The following FAM107A variants were observed in gnomAD, a reference collection of about 807,000 sequenced individuals.
FAM107A encodes actin-associated protein FAM107A.
Under a neutral mutation model 13.7 loss-of-function variants are expected in FAM107A, and 19 were observed. The ratio of observed to expected loss-of-function variants is 1.38; its 90% CI spans 0.97 to 2.03. The LOEUF (loss-of-function observed/expected upper bound fraction) is 2.03, where lower values mean the gene tolerates loss of function less well. Among genes scored for constraint, FAM107A ranks in the 30% most tolerant of loss-of-function variants. The probability of loss-of-function intolerance (pLI) is 0.00; values close to 1 mark genes in which losing one functional copy is unlikely to be tolerated. For synonymous variants in FAM107A, 82 were observed against 74.5 expected (o/e 1.10, Z -0.52); for missense variants, 203 against 184.4 (o/e 1.10, Z -0.58).
chr3:58,567,380 G>A lies in FAM107A; in HGVS notation c.171-16C>T. 6.2e-7 allele frequency: 1 copy of A among 1,604,604 alleles called. No homozygotes were observed. The highest frequency in any genetic ancestry group is 8.5e-7 in the Non-Finnish European group (1 of 1,176,082). Reference sequence around the variant, plus strand: ...ACCAAGGCCCCTGGGGTGGGAAGTGGGGAGCTGTCAGGAGACCATCACCTT... The same window carrying A: ...ACCAAGGCCCCTGGGGTGGGAAGTGAGGAGCTGTCAGGAGACCATCACCTT... On this transcript the variant is annotated splice_polypyrimidine_tract_variant and intron_variant, in intron 2 of 3. Coordinates refer to ENST00000360997, the MANE Select transcript of FAM107A (RefSeq NM_001076778.3).
At chr3:58,568,198 G>A (rs1423418313) in intron 2 of FAM107A, among the ~76,000 whole-genome samples, 1 of 152,050 alleles carries the variant, frequency 6.6e-6, no homozygotes, top group South Asian at 2.1e-4. Context: ...ACTTTGGGAG[G>A]CCGAGGAGGG....
upstream of FAM107A, among the ~76,000 whole-genome samples, chr3:58,588,841 T>C (rs1365038354): frequency 6.6e-6 from 1 of 152,098 alleles, no homozygotes; most frequent in African/African-American, 2.4e-5. Flanking sequence ...GTATTTTTAG[T>C]AGAGAAGGGG....
intron 3 of FAM107A, chr3:58,566,898 C>T (rs1157956886): frequency 3.3e-6 from 2 of 608,660 alleles, no homozygotes; most frequent in Non-Finnish European, 5.8e-6. Context: ...CACTCACCCC[C>T]TCTGGGCCTC....
Position 58,618,271 on chromosome 3 carries a change from C to A in FAM107A, c.-70+9145G>T, listed in dbSNP as rs1388193599. 2.0e-5 allele frequency among the ~76,000 whole-genome samples: 3 copies of A among 152,138 alleles called. No individual in the cohort carries two copies. In the South Asian group the frequency reaches 6.2e-4, roughly 31 times the overall value. ...TTTGCACAGTGTTATCTTGTCTGAG[C>A]CCTTCATGGCTGTGAAATGGGGAAA... is the stretch of plus-strand genomic sequence containing the variant. On this transcript the variant is annotated intron_variant, in intron 1 of 3. Transcript: ENST00000465970.
At chr3:58,605,398 C>T (rs981945251) in intron 1 of FAM107A, among the ~76,000 whole-genome samples, 12 of 152,312 alleles carry the variant, frequency 7.9e-5, no homozygotes, top group Middle Eastern at 3.4e-3. Flanking sequence ...GCTCCCTCCT[C>T]TCCAGTGCCC....
chr3:58,591,222 G>A (rs1241075802), upstream of FAM107A, among the ~76,000 whole-genome samples: 1 of 152,202 alleles, frequency 6.6e-6, no homozygotes, highest in African/African-American at 2.4e-5. The surrounding 1 kb of genome is among the most constrained non-coding windows in gnomAD (Gnocchi z 4.3). Flanking sequence ...AGAAGGGAAA[G>A]GGGGTGGCTG....
At chr3:58,588,910 A>G (rs1279783734), upstream of FAM107A, among the ~76,000 whole-genome samples, 2 of 152,146 alleles carry the variant, frequency 1.3e-5, no homozygotes, top group Non-Finnish European at 2.9e-5. Flanking sequence ...TCAGCCTCTC[A>G]AAGTGCTGGG....
rs375792611 is a variant in FAM107A at position 58,571,272 on chromosome 3, G to A, written c.-5-1407C>T. 5.3e-5 allele frequency among the ~76,000 whole-genome samples: 8 copies of A among 152,324 alleles called. No homozygotes were observed. In the East Asian group the frequency reaches 1.3e-3, roughly 26 times the overall value. On this transcript the variant is annotated intron_variant, in intron 1 of 3. Transcript: ENST00000360997. ...GATGACCCATCACAGGCTGCTGTTA[G>A]GAGGAGCAAGTAAGACCACATACGT...
chr3:58,618,938 A>G (rs2065928515), intron 1 of FAM107A, among the ~76,000 whole-genome samples: 1 of 152,202 alleles, frequency 6.6e-6, no homozygotes, highest in Non-Finnish European at 1.5e-5. Flanking sequence ...TAGTGAGCAA[A>G]AGAAAGAAGA....
chr3:58,621,244 G>A (rs940843963), intron 1 of FAM107A, among the ~76,000 whole-genome samples: 2 of 152,094 alleles, frequency 1.3e-5, no homozygotes, highest in African/African-American at 4.8e-5. Context: ...ACGTGTTTGC[G>A]CCTGACCAGA....
Position 58,567,283 on chromosome 3 carries a change from C to T in FAM107A, c.252G>A (p.Lys84=). 1 of 1,612,222 alleles carries T rather than the reference C, an allele frequency of 6.2e-7. No individual in the cohort carries two copies. The highest frequency in any genetic ancestry group is 1.3e-5 in the African/African-American group (1 of 74,954). Residue 84 remains lysine, a synonymous_variant, in exon 3 of 4, where the codon AAG becomes AAA. Coordinates refer to ENST00000360997, the MANE Select transcript of FAM107A (RefSeq NM_001076778.3). ...GCAGCCGCTTGGCTTCCAGCTCCTCCTTCTTCTTCTTGATGAGCTGGTTCC... is the reference window on the plus strand; with the variant it reads ...GCAGCCGCTTGGCTTCCAGCTCCTCTTTCTTCTTCTTGATGAGCTGGTTCC... ...RRRNQLIKKK[K]EELEAKRLQC...
chr3:58,611,162 G>A (rs186635379), intron 1 of FAM107A, among the ~76,000 whole-genome samples: 1 of 152,312 alleles, frequency 6.6e-6, no homozygotes, highest in East Asian at 1.9e-4. Context: ...CAGCCATATG[G>A]AACTGTGAGT....
At chr3:58,570,438 A>T (rs2063669889) in intron 1 of FAM107A, 9 of 928,004 alleles carry the variant, frequency 9.7e-6, no homozygotes, top group Non-Finnish European at 1.2e-5. Context: ...TAGCAAAGGG[A>T]TAGTTGTCAA....
intron 1 of FAM107A, among the ~76,000 whole-genome samples, chr3:58,593,482 T>C (rs1453069072): frequency 6.6e-6 from 1 of 152,186 alleles, no homozygotes. Flanking sequence ...TGATATCTCC[T>C]GGTTTTACCT....
chr3:58,619,330 G>GT (rs2065931908), intron 1 of FAM107A, among the ~76,000 whole-genome samples: 3 of 152,114 alleles, frequency 2.0e-5, no homozygotes, highest in African/African-American at 7.2e-5. Context: ...GAGAGGAGAG[G>GT]ATGGCATGGC....
In FAM107A at chr3:58,566,334, A is replaced by G; in HGVS notation, c.*254T>C. 1 of 476,740 alleles carries G rather than the reference A, an allele frequency of 2.1e-6. No homozygotes were observed. The highest frequency in any genetic ancestry group is 3.7e-6 in the Non-Finnish European group (1 of 270,356). 29.5% of individuals were successfully genotyped at this position (476,740 alleles called of 1,614,324 possible). A position where few individuals can be genotyped will look rare whatever the true frequency, so the allele number is the denominator to read the frequency against. On this transcript the variant is annotated 3_prime_UTR_variant, in exon 4 of 4. Coordinates refer to ENST00000360997, the MANE Select transcript of FAM107A (RefSeq NM_001076778.3). ...GAGAAAGCTCCTGTGCTGGGCTCTG[A>G]ACCCCTTGCAGGGAGGGGTGCAGGT...
exon 1 of FAM107A, chr3:58,586,919 G>T: frequency 6.5e-7 from 1 of 1,532,282 alleles, no homozygotes. Flanking sequence ...GGGCCCACTC[G>T]CCCAGCCTCT....
rs1247414384 is a variant in FAM107A, at chr3:58,613,553, G to C, written c.-70+13863C>G. 6.6e-6 allele frequency among the ~76,000 whole-genome samples: 1 copy of C among 152,146 alleles called. No homozygotes were observed. The highest frequency in any genetic ancestry group is 1.5e-5 in the Non-Finnish European group (1 of 68,024). On this transcript the variant is annotated intron_variant, in intron 1 of 3. Coordinates refer to the FAM107A transcript ENST00000465970. This position sits in a 1 kb window ranked among gnomAD's most constrained non-coding sequence, Gnocchi z 4.6. ...TCTCAGTGCCCTGAGTGCCAGCAAG[G>C]CCTCTCTCCTCTGGCCTTTGTGTAA...
chr3:58,616,527 A>G (rs1434443463), intron 1 of FAM107A, among the ~76,000 whole-genome samples: 3 of 18,550 alleles, frequency 1.6e-4, no homozygotes, highest in Non-Finnish European at 3.2e-4. Flanking sequence ...TAAGAGGAGA[A>G]CACACACACA....
Sources: allele counts gnomAD v4.1 joint callset (sites outside exome capture counted in the v4.1 genomes callset), GRCh38; gene constraint gnomAD v4.1.1; non-coding constraint Gnocchi (gnomAD v3.1); transcripts MANE v1.5; gene names NCBI Gene and HGNC (gene_info 2026-07-23, HGNC 2026-07-21).